Variants in APBA2 observed in about 807,000 individuals in gnomAD.
The protein encoded by APBA2 is amyloid-beta A4 precursor protein-binding family A member 2.
APBA2 carries 30 observed loss-of-function variants against 75.0 expected under a neutral mutation model. The observed-to-expected ratio is 0.40, with a 90% confidence interval of 0.30 to 0.54. The LOEUF is 0.54. Among genes scored for constraint, APBA2 ranks in the 20% least tolerant of loss-of-function variants. The probability of loss-of-function intolerance (pLI) is 0.49; values close to 1 mark genes in which losing one functional copy is unlikely to be tolerated. For synonymous variants in APBA2, 444 were observed against 409.6 expected (o/e 1.08, Z -1.01); for missense variants, 801 against 1,016.1 (o/e 0.79, Z 2.88).
Position 29,097,789 on chromosome 15 carries a change from C to T in APBA2, c.1252-701C>T, listed in dbSNP as rs143908834. On this transcript the variant is annotated intron_variant, in intron 8 of 14. Coordinates refer to ENST00000683413, the MANE Select transcript of APBA2 (RefSeq NM_001353788.2). ...CTCCTGTCTAGCAGGAGCTTTGTGTCCGTGGACCAATACTTCCCCCTTCAC... is the reference window on the plus strand; with the variant it reads ...CTCCTGTCTAGCAGGAGCTTTGTGTTCGTGGACCAATACTTCCCCCTTCAC... 6.2e-3 allele frequency among the ~76,000 whole-genome samples: 950 copies of T among 152,270 alleles called. 10 individuals carry two copies. The highest frequency in any genetic ancestry group is 0.021 in the African/African-American group (890 of 41,542).
In APBA2 at chr15:29,075,128, G is replaced by T. The variant is rs547744120; in HGVS notation, c.1032+127G>T. 9 of 799,448 alleles carry T rather than the reference G, an allele frequency of 1.1e-5. No homozygotes were observed. The Admixed American group carries it at 1.8e-4, about 16-fold the overall frequency. 49.5% of individuals were successfully genotyped at this position (799,448 alleles called of 1,614,324 possible). ...TCCCACCCGGTGCCTGGGGGAGAGG[G>T]AGTCCAGGTCAGGCCAAGTTGGTGT... On this transcript the variant is annotated intron_variant, in intron 5 of 14. Transcript: ENST00000683413.
chr15:29,094,980 G>A (rs2043779997), intron 8 of APBA2, among the ~76,000 whole-genome samples: 1 of 151,630 alleles, frequency 6.6e-6, no homozygotes, highest in South Asian at 2.1e-4. Context: ...AGTGGGAGGA[G>A]CACTTGAGCC....
At chr15:29,091,531 GGTT>G (rs2043571543) in intron 6 of APBA2, among the ~76,000 whole-genome samples, 1 of 152,172 alleles carries the variant, frequency 6.6e-6, no homozygotes, top group Admixed American at 6.5e-5. Context: ...AGAGTTGTGA[GGTT>G]GTTTGGGGGG....
intron 2 of APBA2, among the ~76,000 whole-genome samples, chr15:28,958,634 TGGG>T (rs1027780821): frequency 2.0e-5 from 3 of 152,158 alleles, no homozygotes; most frequent in Admixed American, 2.0e-4. Flanking sequence ...CTGTCCCCAC[TGGG>T]GCAGGGAGGT....
At chr15:29,024,739 G>C (rs572815253) in intron 3 of APBA2, among the ~76,000 whole-genome samples, 1 of 152,322 alleles carries the variant, frequency 6.6e-6, no homozygotes, top group Non-Finnish European at 1.5e-5. Flanking sequence ...GTCAGCAAAA[G>C]GGCAGGTTTG....
At chr15:29,106,922 A>C in intron 12 of APBA2, 103 bp downstream of exon 12, 7 of 1,141,338 alleles carry the variant, frequency 6.1e-6, no homozygotes, top group Admixed American at 2.0e-5. Flanking sequence ...CACTTCACCC[A>C]TGGGGAAACT....
chr15:28,895,013 C>T (rs1188132251), intron 1 of APBA2, among the ~76,000 whole-genome samples: 2 of 152,210 alleles, frequency 1.3e-5, no homozygotes, highest in Non-Finnish European at 2.9e-5. Flanking sequence ...TGCCAAGTCC[C>T]AGCCTTGCTA....
chr15:28,973,950 C>T (rs1380503314), intron 2 of APBA2, among the ~76,000 whole-genome samples: 3 of 152,156 alleles, frequency 2.0e-5, no homozygotes, highest in Non-Finnish European at 4.4e-5. Context: ...GAAATACACA[C>T]GGTCAATATA....
At chr15:28,920,830 C>G (rs1229167199) in intron 1 of APBA2, among the ~76,000 whole-genome samples, 1 of 152,106 alleles carries the variant, frequency 6.6e-6, no homozygotes, top group African/African-American at 2.4e-5. Context: ...TGCCATCATC[C>G]TTCATAATAA....
At chr15:28,975,790 G>A (rs2037304085) in intron 2 of APBA2, among the ~76,000 whole-genome samples, 1 of 152,230 alleles carries the variant, frequency 6.6e-6, no homozygotes, top group South Asian at 2.1e-4. Flanking sequence ...ATTATAACAA[G>A]ATACCATTTC....
chr15:28,904,156 C>T (rs2033020521), intron 1 of APBA2, among the ~76,000 whole-genome samples: 1 of 152,132 alleles, frequency 6.6e-6, no homozygotes, highest in African/African-American at 2.4e-5. Flanking sequence ...ACAGAGATAG[C>T]AGAAAGCGAA....
chr15:28,909,751 A>G (rs1256309079), intron 1 of APBA2, among the ~76,000 whole-genome samples: 1 of 152,218 alleles, frequency 6.6e-6, no homozygotes, highest in South Asian at 2.1e-4. Flanking sequence ...GTGCCAGCCT[A>G]TCCGGGGCTT....
At chr15:28,915,196 CCA>C (rs2033626801) in intron 1 of APBA2, among the ~76,000 whole-genome samples, 1 of 151,578 alleles carries the variant, frequency 6.6e-6, no homozygotes, top group Non-Finnish European at 1.5e-5. Context: ...ATACCACACA[CCA>C]CACACATAGC....
At chr15:29,099,937 G>A (rs2044036268) in intron 9 of APBA2, among the ~76,000 whole-genome samples, 1 of 152,236 alleles carries the variant, frequency 6.6e-6, no homozygotes, top group South Asian at 2.1e-4. Flanking sequence ...GGCTGGCCCA[G>A]TTCAGGGTTC....
intron 3 of APBA2, among the ~76,000 whole-genome samples, chr15:29,000,246 A>G (rs749166043): frequency 2.6e-5 from 4 of 152,252 alleles, no homozygotes; most frequent in Admixed American, 6.5e-5. Flanking sequence ...TTCTAAAAAT[A>G]TGAACCAGAT....
chr15:28,960,339 C>T (rs180758980), intron 2 of APBA2, among the ~76,000 whole-genome samples: 253 of 151,748 alleles, frequency 1.7e-3, no homozygotes, highest in Non-Finnish European at 2.9e-3. Context: ...TGGTGGATGC[C>T]TGTAGTCCCA....
rs1316597346 is a variant in APBA2, at chr15:28,995,737, TTCTGC to T, written c.-94-14_-94-10del. ...AGTGAAAGTAATTTTCTCTGTTTTC[TTCTGC>T]TTTATTCCAGAAAGATTTGATCACC... On this transcript the variant is annotated splice_polypyrimidine_tract_variant and intron_variant, in intron 2 of 14. Coordinates refer to ENST00000683413, the MANE Select transcript of APBA2 (RefSeq NM_001353788.2). 2.0e-5 allele frequency: 3 copies of T among 152,228 alleles called. No homozygotes were observed. The highest frequency in any genetic ancestry group is 4.8e-5 in the African/African-American group (2 of 41,458). The allele number at this position is 152,228 out of a possible 1,614,324, so 9.4% of individuals were successfully genotyped here.
At chr15:28,987,363 A>G (rs535507730) in intron 2 of APBA2, among the ~76,000 whole-genome samples, 23 of 152,236 alleles carry the variant, frequency 1.5e-4, no homozygotes, top group African/African-American at 5.3e-4. Flanking sequence ...TGGAGGGGAA[A>G]GATGTGAGCT....
intron 1 of APBA2, among the ~76,000 whole-genome samples, chr15:28,902,711 A>G (rs948636640): frequency 6.6e-6 from 1 of 152,134 alleles, no homozygotes; most frequent in Non-Finnish European, 1.5e-5. Flanking sequence ...GTTTTTCTGT[A>G]AGTCTAGAAC....
Sources: gnomAD v4.1 joint callset for allele counts (sites outside exome capture counted in the v4.1 genomes callset) on GRCh38, gnomAD v4.1.1 for gene constraint, MANE v1.5 for transcripts, NCBI Gene and HGNC (gene_info 2026-07-23, HGNC 2026-07-21) for gene names.